PLXND1: variants seen among roughly 807,000 people sequenced by gnomAD.
PLXND1 encodes plexin-D1.
PLXND1 carries 54 observed loss-of-function variants against 197.7 expected under a neutral mutation model. The ratio of observed to expected loss-of-function variants is 0.27; its 90% confidence interval spans 0.22 to 0.34. The LOEUF (loss-of-function observed/expected upper bound fraction) is 0.34, where lower values mean the gene tolerates loss of function less well. Ranked by LOEUF, PLXND1 falls within the 10% of genes least tolerant of loss-of-function variation. PLXND1 has a pLI of 1.00. For synonymous variants in PLXND1, 1,180 were observed against 1,161.2 expected, an observed-to-expected ratio of 1.02 and a Z score of -0.33; for missense variants, 2,127 against 2,699.2, an observed-to-expected ratio of 0.79 and a Z score of 4.70.
intron 25 of PLXND1, 100 bp from the exon 26 acceptor site, chr3:129,563,340 A>T: frequency 1.0e-6 from 1 of 970,712 alleles, no homozygotes; most frequent in Non-Finnish European, 1.5e-6. Context: ...AACCCCTCCA[A>T]CAGTCTCCTT....
At chr3:129,593,848 C>T (rs928501785) in intron 1 of PLXND1, among the ~76,000 whole-genome samples, 3 of 152,208 alleles carry the variant, frequency 2.0e-5, no homozygotes, top group Non-Finnish European at 2.9e-5. Flanking sequence ...GAGCAACCGC[C>T]GCTGGTTTCG....
rs1388658515 is a variant in PLXND1 at position 129,565,407 on chromosome 3, C to A, written c.4454G>T (p.Arg1485Leu). ...CATCTTCTCCACCACAGACTCTGTG[C>A]GCCGCAGCATGAGCTTGGGGTTCTT... Reference protein sequence around the residue: ...AAKNPKLMLRRTESVVEKMLT... With the variant: ...AAKNPKLMLRLTESVVEKMLT... The change falls in exon 25 of 36, where the codon CGC becomes CTC. Residue 1485 changes from arginine to leucine, a missense_variant. Transcript: ENST00000324093. 1 of 1,614,134 alleles carries A rather than the reference C, an allele frequency of 6.2e-7. No homozygotes were observed. Among genetic ancestry groups the A allele is most frequent in the South Asian group, 1.1e-5 (1 of 91,082 alleles).
At position 129,556,678 on chromosome 3, in the gene PLXND1, T is replaced by C; in HGVS notation, c.5600A>G (p.Glu1867Gly). 1.2e-6 allele frequency: 2 copies of C among 1,612,322 alleles called. No homozygotes were observed. Among genetic ancestry groups the C allele is most frequent in the Non-Finnish European group, 8.5e-7 (1 of 1,178,696 alleles). Reference sequence around the variant, plus strand: ...TGCCATGGCCACATTGGTGTTGAACTCATTCTGGTATTTCTATAAGGAGGC... The same window carrying C: ...TGCCATGGCCACATTGGTGTTGAACCCATTCTGGTATTTCTATAAGGAGGC... Reference protein sequence around the residue: ...LAEESRKYQNEFNTNVAMAEI... With the variant: ...LAEESRKYQNGFNTNVAMAEI... The change falls in exon 35 of 36, where the codon GAG becomes GGG. Residue 1867 changes from glutamate (E) to glycine (G), a missense_variant. Around this residue, in one of 6 missense-constraint regions of PLXND1, gnomAD observed 200 missense variants for 303.3 expected, o/e 0.66. Coordinates refer to ENST00000324093, the MANE Select transcript of PLXND1 (RefSeq NM_015103.3).
At chr3:129,604,138 A>G (rs1048682645) in intron 1 of PLXND1, among the ~76,000 whole-genome samples, 1 of 151,848 alleles carries the variant, frequency 6.6e-6, no homozygotes. Flanking sequence ...CCCCCTTGCT[A>G]CTGCCCAACC....
chr3:129,563,260 C>G lies in PLXND1; in HGVS notation c.4522-20G>C, dbSNP rs944859375. The G allele has an allele frequency of 6.3e-6, 10 of 1,596,478 alleles. No individual in the cohort carries two copies. In the African/African-American group the frequency reaches 1.2e-4, roughly 19 times the overall value. ...CGTCTCCTGAGGGGCACGGGGGTAT[C>G]AGGGCCAAGGCCCCCTCTGTATTCC... On this transcript the variant is annotated intron_variant, in intron 25 of 35. Transcript: ENST00000324093.
At chr3:129,590,377 C>T (rs573654519) in intron 1 of PLXND1, among the ~76,000 whole-genome samples, 1 of 152,264 alleles carries the variant, frequency 6.6e-6, no homozygotes, top group African/African-American at 2.4e-5. Flanking sequence ...GTTCCTGGTG[C>T]AATTTGCACA....
Position 129,586,098 on chromosome 3 carries a change from G to A in PLXND1, c.1722-17C>T. 1 of 1,613,718 alleles carries A rather than the reference G, an allele frequency of 6.2e-7. No homozygotes were observed. Among genetic ancestry groups the A allele is most frequent in the Non-Finnish European group, 8.5e-7 (1 of 1,179,950 alleles). On this transcript the variant is annotated splice_polypyrimidine_tract_variant and intron_variant, in intron 4 of 35. Transcript: ENST00000324093. ...AAGGTGCACCTGGGGTGGCACCGCAGGGTCAGGACCCAGGTCAGCTCCTCC... is the reference window on the plus strand; with the variant it reads ...AAGGTGCACCTGGGGTGGCACCGCAAGGTCAGGACCCAGGTCAGCTCCTCC...
chr3:129,593,958 T>C (rs2085583533), intron 1 of PLXND1, among the ~76,000 whole-genome samples: 2 of 152,298 alleles, frequency 1.3e-5, no homozygotes, highest in East Asian at 1.9e-4. Flanking sequence ...CTCTGACATA[T>C]TGATTTTACT....
chr3:129,565,302 C>T lies in PLXND1; in HGVS notation c.4521+38G>A, dbSNP rs753395109. The T allele has an allele frequency of 5.1e-6, 8 of 1,577,332 alleles. No homozygotes were observed. In the South Asian group the frequency reaches 5.5e-5, roughly 11 times the overall value. On this transcript the variant is annotated intron_variant, in intron 25 of 35. Coordinates refer to ENST00000324093, the MANE Select transcript of PLXND1 (RefSeq NM_015103.3). The stretch of plus-strand genomic sequence containing the variant: ...CACTGCCGCTGAGTCCCTGCCACGT[C>T]CCCCGCCTGGGCTCTGTCTGTCCCC...
In PLXND1 at chr3:129,572,711, G is replaced by A; in HGVS notation, c.2975C>T (p.Pro992Leu). 2 of 1,600,920 alleles carry A rather than the reference G, an allele frequency of 1.2e-6. No individual in the cohort carries two copies. Among genetic ancestry groups the A allele is most frequent in the Non-Finnish European group, 1.7e-6 (2 of 1,173,360 alleles). The change falls in exon 15 of 36, where the codon CCC (proline) becomes CTC (leucine). Residue 992 changes from proline (P) to leucine (L), a missense_variant. Pro to Leu is a moderately conservative substitution (Grantham distance 98). Coordinates refer to ENST00000324093, the MANE Select transcript of PLXND1 (RefSeq NM_015103.3). ...LVHSLEPTMG[P>L]KAGGTRITIH... is the part of the protein sequence containing the mutation. ...GGTGATCCTGGTGCCCCCGGCCTTG[G>A]GGCCCATGGTAGGCTCCAGGGAGTG...
In PLXND1 at chr3:129,574,353, C is replaced by G; in HGVS notation, c.2668G>C (p.Ala890Pro). The stretch of plus-strand genomic sequence containing the variant: ...ATGCTTACCGCGTGGATCTCGGGGG[C>G]GGGGCAGGTGCCAGCCATGGGCTGC... The part of the protein sequence containing the change: ...PLQPMAGTCP[A>P]PEIHAIEPLS... The change falls in exon 12 of 36, where the codon GCC (alanine) becomes CCC (proline). Residue 890 changes from alanine (A) to proline (P), a missense_variant. By Grantham distance (27) the Ala-to-Pro change is conservative. This residue lies in a region of PLXND1 where 1,095 missense variants were observed against 1,259.8 expected (regional missense o/e 0.87). Coordinates refer to ENST00000324093, the MANE Select transcript of PLXND1 (RefSeq NM_015103.3). 6.2e-7 allele frequency: 1 copy of G among 1,605,534 alleles called. No individual in the cohort carries two copies. The highest frequency in any genetic ancestry group is 8.5e-7 in the Non-Finnish European group (1 of 1,176,636).
intron 4 of PLXND1, 21 bp downstream of exon 4, chr3:129,586,151 G>C (rs200054332): frequency 6.2e-7 from 1 of 1,610,372 alleles, no homozygotes. Flanking sequence ...TGGTCCAGCT[G>C]TTGCTGGTGT....
At chr3:129,575,182 G>A (rs1261612991) in intron 11 of PLXND1, among the ~76,000 whole-genome samples, 4 of 152,212 alleles carry the variant, frequency 2.6e-5, no homozygotes, top group East Asian at 3.8e-4. Context: ...AAGGTTGGGC[G>A]AGCCCTGGCT....
At chr3:129,560,527 G>C (rs2085042083) in intron 30 of PLXND1, 93 bp from the exon 31 acceptor site, 1 of 1,002,178 alleles carries the variant, frequency 1.0e-6, no homozygotes, top group African/African-American at 1.6e-5. Context: ...TAGCACACAA[G>C]GGCTGTGGTT....
At chr3:129,569,351 T>C (rs2085189118) in intron 20 of PLXND1, 1 of 157,104 alleles carries the variant, frequency 6.4e-6, no homozygotes, top group African/African-American at 2.4e-5. Flanking sequence ...AGGGTAATTC[T>C]ATGTTTCACA....
chr3:129,576,055 G>A (rs2085309874), intron 9 of PLXND1, among the ~76,000 whole-genome samples, 200 bp from the exon 10 acceptor site: 1 of 152,234 alleles, frequency 6.6e-6, no homozygotes, highest in Non-Finnish European at 1.5e-5. Flanking sequence ...GGCAAGCAGT[G>A]CAGGAATGCC....
rs567603525 is a variant in PLXND1 at position 129,556,071 on chromosome 3, C to T, written c.*241G>A. ...GTGCTGGGCAGATGGGGGAGCCTGA[C>T]CAGCTCTCTGGCCTCCATCCCAGAG... is the stretch of plus-strand genomic sequence containing the variant. On this transcript the variant is annotated 3_prime_UTR_variant, in exon 36 of 36. Transcript: ENST00000324093. 75 of 505,306 alleles carry T rather than the reference C, an allele frequency of 1.5e-4. No individual in the cohort carries two copies. Among genetic ancestry groups the T allele is most frequent in the Non-Finnish European group, 1.9e-4 (53 of 278,654 alleles). 31.3% of individuals were successfully genotyped at this position (505,306 alleles called of 1,614,324 possible).
At chr3:129,567,272 T>C (rs530688052) in intron 22 of PLXND1, among the ~76,000 whole-genome samples, 3 of 152,130 alleles carry the variant, frequency 2.0e-5, no homozygotes, top group Non-Finnish European at 2.9e-5. Context: ...CTGGCTTCCA[T>C]ATGGACTGTT....
In PLXND1 at chr3:129,565,331, C is replaced by A; in HGVS notation, c.4521+9G>T. On this transcript the variant is annotated intron_variant, in intron 25 of 35. Coordinates refer to ENST00000324093, the MANE Select transcript of PLXND1 (RefSeq NM_015103.3). ...CGCCTGGGCTCTGTCTGTCCCCAGG[C>A]AGCCTCACCCGCAGACAGCTGTACA... 1 of 1,612,094 alleles carries A rather than the reference C, an allele frequency of 6.2e-7. No individual in the cohort carries two copies. The highest frequency in any genetic ancestry group is 2.2e-5 in the East Asian group (1 of 44,880).
Sources: gnomAD v4.1 joint callset for allele counts (sites outside exome capture counted in the v4.1 genomes callset) on GRCh38, gnomAD v4.1.1 for gene constraint, gnomAD v4.1.1 regional missense constraint, MANE v1.5 for transcripts, NCBI Gene and HGNC (gene_info 2026-07-23, HGNC 2026-07-21) for gene names.